FAT2: variants seen among roughly 807,000 people sequenced by gnomAD.
FAT2 encodes FAT atypical cadherin 2.
In FAT2, 150 loss-of-function variants were observed where a neutral mutation model predicts 295.3. The observed-to-expected ratio is 0.51, with a 90% CI of 0.44 to 0.58. The LOEUF (loss-of-function observed/expected upper bound fraction) is 0.58, where lower values mean the gene tolerates loss of function less well. Among genes scored for constraint, FAT2 ranks in the 20% least tolerant of loss-of-function variants. The pLI is 0.00. For synonymous variants in FAT2, 2,026 were observed against 2,150.3 expected (o/e 0.94, Z 1.60); for missense variants, 4,868 against 5,442.7 (o/e 0.89, Z 3.32).
In FAT2 at chr5:151,507,562, G is replaced by C; in HGVS notation, c.12109C>G (p.Pro4037Ala). The change falls in exon 23 of 24, where the codon CCC becomes GCC. Residue 4037 changes from proline to alanine, a missense_variant. Transcript: ENST00000261800. ...GCSEGHCLVT[P>A]EIQRGDWGQQ... ...CCCCAGTCCCCCCTTTGGATCTCGG[G>C]AGTGACTAGGCAGTGTCCTTCTGAA... 1 of 1,613,944 alleles carries C rather than the reference G, an allele frequency of 6.2e-7. No homozygotes were observed. The highest frequency in any genetic ancestry group is 8.5e-7 in the Non-Finnish European group (1 of 1,179,988).
rs1760748472 is a variant in FAT2 at position 151,505,258 on chromosome 5, A to G, written c.*307T>C. 1.1e-5 allele frequency: 5 copies of G among 439,234 alleles called. No homozygotes were observed. The highest frequency in any genetic ancestry group is 1.1e-4 in the South Asian group (4 of 35,140). 27.2% of individuals were successfully genotyped at this position (439,234 alleles called of 1,614,324 possible). The stretch of plus-strand genomic sequence containing the variant: ...TGCCCCGGGGACTGAGAGCCGGCAG[A>G]TCAGGGAGCCCTCCTGTCTCTCGCC... On this transcript the variant is annotated 3_prime_UTR_variant, in exon 24 of 24. Coordinates refer to ENST00000261800, the MANE Select transcript of FAT2 (RefSeq NM_001447.3).
chr5:151,578,160 A>G (rs150064335), intron 1 of FAT2, among the ~76,000 whole-genome samples: 127 of 152,318 alleles, frequency 8.3e-4, no homozygotes, highest in African/African-American at 2.9e-3. Context: ...GTGCCCTGAT[A>G]GACTCTCCAG....
At chr5:151,550,929 G>A (rs1327003462) in intron 7 of FAT2, 58 bp from the exon 8 acceptor site, 2 of 1,549,010 alleles carry the variant, frequency 1.3e-6, no homozygotes, top group African/African-American at 1.4e-5. Context: ...CAGGGACTGG[G>A]TCTGTCTGGA....
chr5:151,559,970 C>T lies in FAT2; in HGVS notation c.3574+3355G>A, dbSNP rs192150466. Among the ~76,000 whole-genome samples, 307 of 152,284 alleles carry T rather than the reference C, an allele frequency of 2.0e-3. 2 individuals are homozygous for T. The highest frequency in any genetic ancestry group is 7.0e-3 in the African/African-American group (289 of 41,570). ...ATGAGGTGGCGCTCAGTGGACTTCACTCTTACCATTTTTCTCCTCCAAACA... is the reference window on the plus strand; with the variant it reads ...ATGAGGTGGCGCTCAGTGGACTTCATTCTTACCATTTTTCTCCTCCAAACA... On this transcript the variant is annotated intron_variant, in intron 3 of 23. Transcript: ENST00000261800.
intron 13 of FAT2, among the ~76,000 whole-genome samples, chr5:151,533,592 G>C (rs1320656853): frequency 6.6e-6 from 1 of 151,934 alleles, no homozygotes. Flanking sequence ...AACAGAGCAG[G>C]GTGTTTTGAT....
At position 151,512,129 on chromosome 5, in the gene FAT2, T is replaced by A. The variant is rs1202215383; in HGVS notation, c.11905+36A>T. 1 of 1,586,968 alleles carries A rather than the reference T, an allele frequency of 6.3e-7. No homozygotes were observed. Among genetic ancestry groups the A allele is most frequent in the Admixed American group, 1.7e-5 (1 of 58,900 alleles). On this transcript the variant is annotated intron_variant, in intron 21 of 23. Coordinates refer to ENST00000261800, the MANE Select transcript of FAT2 (RefSeq NM_001447.3). This position sits in a 1 kb window ranked among gnomAD's most constrained non-coding sequence, Gnocchi z 4.1. ...TTCCCACCTGAAGAGCCTTCTGGGATAAACCCTGGGTTCAGCCTGGCACCC... is the reference window on the plus strand; with the variant it reads ...TTCCCACCTGAAGAGCCTTCTGGGAAAAACCCTGGGTTCAGCCTGGCACCC...
At chr5:151,547,537 G>C (rs1003639681) in intron 9 of FAT2, among the ~76,000 whole-genome samples, 1 of 152,186 alleles carries the variant, frequency 6.6e-6, no homozygotes, top group Non-Finnish European at 1.5e-5. Context: ...TCAGTGGCAA[G>C]GCAAATGGCT....
At position 151,521,988 on chromosome 5, in the gene FAT2, C is replaced by T. The variant is rs756153112; in HGVS notation, c.10605G>A (p.Glu3535=). The T allele has an allele frequency of 1.2e-6, 2 of 1,614,086 alleles. No individual in the cohort carries two copies. Among genetic ancestry groups the T allele is most frequent in the African/African-American group, 2.7e-5 (2 of 74,932 alleles). The change falls in exon 19 of 24, where the codon GAG becomes GAA. Residue 3535 remains glutamate, a synonymous_variant. Transcript: ENST00000261800. ...SHYAPSALPL[E]IFITVGEDEF... ...CATCCTCTCCAACAGTGATGAAGAT[C>T]TCCAGTGGGAGAGCAGAAGGTGCAT...
chr5:151,527,000 C>T (rs1219694247), intron 17 of FAT2, among the ~76,000 whole-genome samples: 1 of 152,248 alleles, frequency 6.6e-6, no homozygotes, highest in East Asian at 1.9e-4. Flanking sequence ...GTACTACCTA[C>T]TTCATATGGC....
chr5:151,583,314 G>C (rs1759036523), intron 1 of FAT2, among the ~76,000 whole-genome samples: 1 of 152,160 alleles, frequency 6.6e-6, no homozygotes, highest in Non-Finnish European at 1.5e-5. Context: ...ATCAAGAGCA[G>C]AATGGACAAG....
At position 151,537,786 on chromosome 5, in the gene FAT2, A is replaced by T. The variant is rs558556594; in HGVS notation, c.9193+7T>A. 2.8e-5 allele frequency: 45 copies of T among 1,607,258 alleles called. No homozygotes were observed. The Middle Eastern group carries it at 1.0e-3, about 36-fold the overall frequency. ...CTTGTTTTGATCCTGCAGCTCAGGA[A>T]ACCCACCTGTATGAGGATCCAGCTT... On this transcript the variant is annotated splice_region_variant and intron_variant, in intron 12 of 23. Coordinates refer to ENST00000261800, the MANE Select transcript of FAT2 (RefSeq NM_001447.3).
Position 151,527,986 on chromosome 5 carries a change from C to T in FAT2, c.10164+10G>A, listed in dbSNP as rs565033789. On this transcript the variant is annotated intron_variant, in intron 16 of 23. Transcript: ENST00000261800. ...ATGAGCTCAGGGTGCGCCCCTCCCA[C>T]ATGACTCACCTGTTCCCGGTCCAGG... The T allele has an allele frequency of 3.0e-5, 49 of 1,613,582 alleles. No individual in the cohort carries two copies. In the South Asian group the frequency reaches 5.2e-4, roughly 17 times the overall value.
In FAT2 at chr5:151,521,352, A is replaced by G. The variant is rs114111017; in HGVS notation, c.11241T>C (p.Val3747=). 837 of 1,614,190 alleles carry G rather than the reference A, an allele frequency of 5.2e-4. 9 individuals carry two copies. The African/African-American group carries it at 0.01, about 20-fold the overall frequency. The change falls in exon 19 of 24, where the codon GTT becomes GTC. Residue 3747 remains valine, a synonymous_variant. Transcript: ENST00000261800. ...GCCTGGCGGTGCTGTACGTGGGCCCAACCTTGGGGTCCAGATGCACTGTGT... is the reference window on the plus strand; with the variant it reads ...GCCTGGCGGTGCTGTACGTGGGCCCGACCTTGGGGTCCAGATGCACTGTGT... ...CHNTVHLDPK[V]GPTYSTARLS... is the part of the protein sequence containing the mutation.
rs767696583 is a variant in FAT2 at position 151,546,000 on chromosome 5, A to G, written c.5127T>C (p.Ser1709=). The G allele has an allele frequency of 6.2e-7, 1 of 1,614,218 alleles. No homozygotes were observed. The change falls in exon 10 of 24, where the codon TCT becomes TCC. Residue 1709 remains serine, a synonymous_variant. Transcript: ENST00000261800. ...ATTTCTTCTGGGTGGAAATAAGGCC[A>G]GAATATGAGTTCATAGAGAAGACTC... ...KDGVFSMNSY[S]GLISTQKKLD... is the part of the protein sequence containing the mutation.
Position 151,521,376 on chromosome 5 carries a change from G to A in FAT2, c.11217C>T (p.Asn3739=). 4.3e-6 allele frequency: 7 copies of A among 1,614,248 alleles called. No individual in the cohort carries two copies. The highest frequency in any genetic ancestry group is 5.9e-6 in the Non-Finnish European group (7 of 1,180,046). The change falls in exon 19 of 24, where the codon AAC becomes AAT. Residue 3739 remains asparagine (N), a synonymous_variant. Coordinates refer to ENST00000261800, the MANE Select transcript of FAT2 (RefSeq NM_001447.3). The stretch of plus-strand genomic sequence containing the variant: ...CAACCTTGGGGTCCAGATGCACTGT[G>A]TTATGGCAGATTTGACCCTGGCAGG... The part of the protein sequence containing the change: ...GPTCQGQICH[N]TVHLDPKVGP...
chr5:151,549,095 C>T (rs898644486), intron 9 of FAT2, among the ~76,000 whole-genome samples, 200 bp downstream of exon 9: 1 of 152,138 alleles, frequency 6.6e-6, no homozygotes, highest in African/African-American at 2.4e-5. Context: ...GTGGTCCTTA[C>T]TCATATTGTA....
chr5:151,566,496 G>C lies in FAT2; in HGVS notation c.2436C>G (p.Asp812Glu), dbSNP rs762885613. Reference sequence around the variant, plus strand: ...GAAATCTGGGTGCGTTGTCATTCCAGTCTTTCACATTCACTGTCAGCAGCT... The same window carrying C: ...GAAATCTGGGTGCGTTGTCATTCCACTCTTTCACATTCACTGTCAGCAGCT... ...SWKLLTVNVK[D>E]WNDNAPRFPP... Residue 812 changes from aspartate to glutamate, a missense_variant, in exon 2 of 24, where the codon GAC becomes GAG. By Grantham distance (45) the Asp-to-Glu change is conservative. This residue lies in a region of FAT2 where 3,297 missense variants were observed against 3,669.4 expected (regional missense o/e 0.90). Coordinates refer to ENST00000261800, the MANE Select transcript of FAT2 (RefSeq NM_001447.3). The C allele has an allele frequency of 1.9e-6, 3 of 1,614,040 alleles. No homozygotes were observed. The South Asian group carries it at 3.3e-5, about 18-fold the overall frequency.
chr5:151,529,850 A>C (rs999104608), intron 14 of FAT2, among the ~76,000 whole-genome samples: 3 of 152,218 alleles, frequency 2.0e-5, no homozygotes, highest in Non-Finnish European at 4.4e-5. Context: ...AGTTGCCCAC[A>C]AATTGTTAGG....
In FAT2 at chr5:151,540,659, T is replaced by C. The variant is rs1396457072; in HGVS notation, c.8947A>G (p.Arg2983Gly). The C allele has an allele frequency of 6.2e-7, 1 of 1,614,234 alleles. No homozygotes were observed. Among genetic ancestry groups the C allele is most frequent in the Non-Finnish European group, 8.5e-7 (1 of 1,180,042 alleles). Reference protein sequence around the residue: ...DREHTAKYLLRVTASDGKFQA... With the variant: ...DREHTAKYLLGVTASDGKFQA... ...AACTTGCCATCAGATGCTGTGACTC[T>C]GAGCAAGTACTTGGCTGTATGCTCG... Residue 2983 changes from arginine to glycine, a missense_variant, in exon 11 of 24, where the codon AGA becomes GGA. By Grantham distance (125) the Arg-to-Gly change is moderately radical. Around this residue, in one of 5 missense-constraint regions of FAT2, gnomAD observed 3,297 missense variants for 3,669.4 expected, o/e 0.90. Coordinates refer to ENST00000261800, the MANE Select transcript of FAT2 (RefSeq NM_001447.3).
Sources: allele counts gnomAD v4.1 joint callset (sites outside exome capture counted in the v4.1 genomes callset), GRCh38; gene constraint gnomAD v4.1.1; regional missense constraint gnomAD v4.1.1; non-coding constraint Gnocchi (gnomAD v3.1); transcripts MANE v1.5; gene names NCBI Gene and HGNC (gene_info 2026-07-23, HGNC 2026-07-21).